Variants in SUGCT observed in about 807,000 individuals in gnomAD.
SUGCT encodes succinyl-CoA:glutarate-CoA transferase, also known as succinyl-CoA:glutarate CoA-transferase.
In SUGCT, 41 loss-of-function variants were observed where a neutral mutation model predicts 55.0. The observed-to-expected ratio is 0.74, with a 90% CI of 0.58 to 0.97. SUGCT has a LOEUF of 0.97. Among genes scored for constraint, SUGCT ranks in the 50% least tolerant of loss-of-function variants. The pLI is 0.00. For synonymous variants in SUGCT, 187 were observed against 200.4 expected (o/e 0.93, Z 0.56); for missense variants, 568 against 547.8 (o/e 1.04, Z -0.37).
At chr7:40,316,999 C>G in intron 9 of SUGCT, 144 bp downstream of exon 9, 1 of 442,340 alleles carries the variant, frequency 2.3e-6, no homozygotes, top group East Asian at 3.4e-5. Context: ...CTGGCTATAA[C>G]AAGGTTCTGT....
At chr7:40,928,642 C>T in the SUGCT span, among the ~76,000 whole-genome samples, 2 of 151,758 alleles carry the variant, frequency 1.3e-5, no homozygotes, top group South Asian at 4.2e-4. Flanking sequence ...CTCCATCTCC[C>T]AGGCTGGAGT....
At chr7:40,672,650 TTACTC>T (rs1188991657) in intron 12 of SUGCT, among the ~76,000 whole-genome samples, 3 of 152,146 alleles carry the variant, frequency 2.0e-5, no homozygotes, top group African/African-American at 7.2e-5. Context: ...GAATATATCT[TTACTC>T]TATCAATGTC....
chr7:40,599,220 A>G lies in SUGCT; in HGVS notation c.1089+102834A>G, dbSNP rs145925075. ...TGCTACCCAATATTATCCTTGCCAC[A>G]GGATACCATAGGGTTGGGAGAGGGT... On this transcript the variant is annotated intron_variant, in intron 12 of 13. Coordinates refer to ENST00000335693, the MANE Select transcript of SUGCT (RefSeq NM_001193313.2). Among the ~76,000 whole-genome samples, 452 of 152,280 alleles carry G rather than the reference A, an allele frequency of 3.0e-3. 7 individuals carry two copies. The highest frequency in any genetic ancestry group is 0.03 in the East Asian group (153 of 5,180).
intron 12 of SUGCT, among the ~76,000 whole-genome samples, chr7:40,595,612 C>T (rs544532742): frequency 6.6e-6 from 1 of 151,766 alleles, no homozygotes; most frequent in South Asian, 2.1e-4. Context: ...ACACCTCTCT[C>T]CTTTCTTTTT....
At chr7:40,550,806 C>T (rs560992266) in intron 12 of SUGCT, among the ~76,000 whole-genome samples, 8 of 152,186 alleles carry the variant, frequency 5.3e-5, no homozygotes, top group African/African-American at 1.9e-4. Flanking sequence ...TTTGAGGTGT[C>T]GCAAGGGGCT....
At chr7:40,416,186 C>T (rs1348892260) in intron 9 of SUGCT, among the ~76,000 whole-genome samples, 1 of 151,544 alleles carries the variant, frequency 6.6e-6, no homozygotes, top group African/African-American at 2.4e-5. Context: ...GTTGAACTAT[C>T]GTGAATAGCA....
At chr7:40,432,499 A>C (rs1329474561) in intron 9 of SUGCT, among the ~76,000 whole-genome samples, 1 of 152,108 alleles carries the variant, frequency 6.6e-6, no homozygotes, top group Non-Finnish European at 1.5e-5. Flanking sequence ...CAGGATGACC[A>C]ACATGGTGAA....
chr7:40,299,770 A>C (rs1794416599), intron 8 of SUGCT, among the ~76,000 whole-genome samples: 1 of 152,144 alleles, frequency 6.6e-6, no homozygotes, highest in Non-Finnish European at 1.5e-5. Context: ...TTATAGTCAA[A>C]CTGCAGATGT....
the SUGCT span, among the ~76,000 whole-genome samples, chr7:40,925,666 G>T: frequency 6.6e-6 from 1 of 152,076 alleles, no homozygotes; most frequent in Non-Finnish European, 1.5e-5. Context: ...GAAAGTAGCT[G>T]AACCGGATAC....
chr7:40,945,169 G>C, the SUGCT span, among the ~76,000 whole-genome samples: 1 of 152,088 alleles, frequency 6.6e-6, no homozygotes, highest in Non-Finnish European at 1.5e-5. Flanking sequence ...TCCAAGTTTT[G>C]ACAGAGGCAG....
At chr7:40,737,784 G>T (rs961905876) in intron 12 of SUGCT, among the ~76,000 whole-genome samples, 1 of 152,012 alleles carries the variant, frequency 6.6e-6, no homozygotes, top group Non-Finnish European at 1.5e-5. Flanking sequence ...ATTAGCCAGG[G>T]GTGGTGGCGG....
chr7:40,453,544 A>G lies in SUGCT; in HGVS notation c.888+4186A>G, dbSNP rs557860509. 8.7e-4 allele frequency among the ~76,000 whole-genome samples: 133 copies of G among 152,352 alleles called. 1 individual carries two copies. Among genetic ancestry groups the G allele is most frequent in the African/African-American group, 3.1e-3 (127 of 41,596 alleles). ...AATAGACAACTGCCCAGGTTGTCAT[A>G]TGACCATTAGGTTTGGCACTTACTA... On this transcript the variant is annotated intron_variant, in intron 10 of 13. Transcript: ENST00000335693.
chr7:40,750,735 T>C (rs1016356445), intron 13 of SUGCT, among the ~76,000 whole-genome samples: 3 of 152,030 alleles, frequency 2.0e-5, no homozygotes, highest in Non-Finnish European at 2.9e-5. Flanking sequence ...TATGCATGGA[T>C]TAAGGAAGGT....
Position 40,562,230 on chromosome 7 carries a change from C to T in SUGCT, c.1089+65844C>T, listed in dbSNP as rs1028669704. ...AGGAGAATGGCGTGAGCCTGGGAGG[C>T]GGAGCTTGCAGTGAGTCGAGATCGC... On this transcript the variant is annotated intron_variant, in intron 12 of 13. Coordinates refer to ENST00000335693, the MANE Select transcript of SUGCT (RefSeq NM_001193313.2). Among the ~76,000 whole-genome samples the T allele has an allele frequency of 1.3e-4, 20 of 148,668 alleles. No individual in the cohort carries two copies. The Middle Eastern group carries it at 0.01, about 78-fold the overall frequency.
At chr7:41,011,145 C>T in the SUGCT span, among the ~76,000 whole-genome samples, 26 of 152,226 alleles carry the variant, frequency 1.7e-4, no homozygotes, top group African/African-American at 4.8e-4. Flanking sequence ...CTGGTTGACA[C>T]GCATGAGGAG....
At chr7:40,461,653 T>A (rs1393903491) in intron 11 of SUGCT, among the ~76,000 whole-genome samples, 1 of 152,196 alleles carries the variant, frequency 6.6e-6, no homozygotes, top group African/African-American at 2.4e-5. Context: ...ATGATACTGC[T>A]CTAGGGCCTT....
the SUGCT span, among the ~76,000 whole-genome samples, chr7:41,014,173 A>G: frequency 3.3e-5 from 5 of 152,192 alleles, no homozygotes; most frequent in Admixed American, 3.3e-4. Flanking sequence ...GGGTGAGGGT[A>G]TGTGAGACCT....
Position 40,241,239 on chromosome 7 carries a change from G to A in SUGCT, c.576+3513G>A, listed in dbSNP as rs114289315. 7.5e-3 allele frequency among the ~76,000 whole-genome samples: 1,148 copies of A among 152,122 alleles called. 16 individuals carry two copies. The highest frequency in any genetic ancestry group is 0.026 in the African/African-American group (1,086 of 41,520). ...TCAAAGTGCAACTTTTTTTCCTATA[G>A]TGTTATAATAATGTCATTTTTATTC... On this transcript the variant is annotated intron_variant, in intron 7 of 13. Coordinates refer to ENST00000335693, the MANE Select transcript of SUGCT (RefSeq NM_001193313.2).
At chr7:40,674,023 T>C (rs1299848915) in intron 12 of SUGCT, among the ~76,000 whole-genome samples, 1 of 152,306 alleles carries the variant, frequency 6.6e-6, no homozygotes, top group East Asian at 1.9e-4. Flanking sequence ...ACTTTACACT[T>C]TTAAAAGCTC....
Sources: allele counts gnomAD v4.1 joint callset (sites outside exome capture counted in the v4.1 genomes callset), GRCh38; gene constraint gnomAD v4.1.1; transcripts MANE v1.5; gene names NCBI Gene and HGNC (gene_info 2026-07-23, HGNC 2026-07-21).